RIMS1: variants seen among roughly 807,000 people sequenced by gnomAD.
The protein encoded by RIMS1 is regulating synaptic membrane exocytosis protein 1.
In RIMS1, 83 loss-of-function variants were observed where a neutral mutation model predicts 214.1. The ratio of observed to expected loss-of-function variants is 0.39; its 90% CI spans 0.32 to 0.47. RIMS1 has a LOEUF of 0.47. Among genes scored for constraint, RIMS1 ranks in the 20% least tolerant of loss-of-function variants. RIMS1 has a pLI of 0.99. For synonymous variants in RIMS1, 793 were observed against 786.8 expected (o/e 1.01, Z -0.13); for missense variants, 2,050 against 2,161.8 (o/e 0.95, Z 1.03).
At chr6:71,967,514 G>A (rs913332447) in intron 1 of RIMS1, among the ~76,000 whole-genome samples, 8 of 152,172 alleles carry the variant, frequency 5.3e-5, no homozygotes, top group East Asian at 1.9e-4. Context: ...TAAAATTTCA[G>A]AGCTCAGAAA....
At chr6:71,939,234 T>C (rs546472207) in intron 1 of RIMS1, among the ~76,000 whole-genome samples, 11 of 152,354 alleles carry the variant, frequency 7.2e-5, no homozygotes, top group Admixed American at 6.5e-4. Flanking sequence ...TTGCTTTCCA[T>C]ACTTCTATCA....
chr6:71,887,050 T>TC lies in RIMS1; in HGVS notation c.29dup (p.Arg11SerfsTer64). On this transcript the variant is annotated frameshift_variant, in exon 1 of 34. Transcript: ENST00000521978. LOFTEE classifies it high-confidence loss of function. Reference sequence around the variant, plus strand: ...TGTCCTCGGCCGTGGGGCCCCGCGGTCCTCGCCCACCCACGGTGCCTCCCC... The same window carrying TC: ...TGTCCTCGGCCGTGGGGCCCCGCGGTCCCTCGCCCACCCACGGTGCCTCCCC... 1.2e-6 allele frequency: 2 copies of TC among 1,613,258 alleles called. No homozygotes were observed. Among genetic ancestry groups the TC allele is most frequent in the Non-Finnish European group, 1.7e-6 (2 of 1,179,610 alleles).
chr6:72,339,984 G>T (rs559552977), intron 29 of RIMS1, among the ~76,000 whole-genome samples: 2 of 152,204 alleles, frequency 1.3e-5, no homozygotes, highest in African/African-American at 4.8e-5. Context: ...ATTCTAACTG[G>T]TTTGAGATGG....
intron 1 of RIMS1, among the ~76,000 whole-genome samples, chr6:71,946,803 T>TA (rs1283932993): frequency 6.6e-6 from 1 of 151,406 alleles, no homozygotes; most frequent in East Asian, 1.9e-4. Flanking sequence ...GATATCAAGC[T>TA]AAAAATCTTC....
chr6:72,196,484 T>A (rs1033911245), intron 6 of RIMS1, among the ~76,000 whole-genome samples: 1 of 151,480 alleles, frequency 6.6e-6, no homozygotes, highest in Non-Finnish European at 1.5e-5. Context: ...GGTAAGAATT[T>A]AGCTACATAT....
intron 1 of RIMS1, among the ~76,000 whole-genome samples, chr6:71,917,087 G>A (rs1457607960): frequency 1.3e-5 from 2 of 152,088 alleles, no homozygotes; most frequent in African/African-American, 4.8e-5. Flanking sequence ...ACCTCTCTGT[G>A]CTTGTTTCTC....
At chr6:72,057,215 T>C (rs1190575852) in intron 2 of RIMS1, among the ~76,000 whole-genome samples, 1 of 152,240 alleles carries the variant, frequency 6.6e-6, no homozygotes, top group African/African-American at 2.4e-5. Context: ...CTCTCCAAAC[T>C]GGTGGATTTC....
intron 29 of RIMS1, among the ~76,000 whole-genome samples, chr6:72,345,321 T>C (rs7774320): frequency 0.26 from 38,607 of 149,192 alleles, 5,113 homozygotes; most frequent in Middle Eastern, 0.31. Context: ...ATTGGATAAT[T>C]TTTCTATGCA....
intron 2 of RIMS1, among the ~76,000 whole-genome samples, chr6:72,059,970 C>T (rs1456604643): frequency 6.6e-6 from 1 of 151,778 alleles, no homozygotes; most frequent in Non-Finnish European, 1.5e-5. Context: ...CGGAGTTTTG[C>T]TCTTCTTGCC....
intron 6 of RIMS1, among the ~76,000 whole-genome samples, chr6:72,183,962 TGCG>T (rs1414175318): frequency 6.6e-6 from 1 of 152,186 alleles, no homozygotes; most frequent in African/African-American, 2.4e-5. Context: ...TATGTAAACA[TGCG>T]GTATTAAATC....
chr6:71,887,174 G>A lies in RIMS1; in HGVS notation c.151G>A (p.Glu51Lys), dbSNP rs2150296924. The A allele has an allele frequency of 6.2e-7, 1 of 1,608,220 alleles. No individual in the cohort carries two copies. Among genetic ancestry groups the A allele is most frequent in the Non-Finnish European group, 8.5e-7 (1 of 1,177,568 alleles). ...DRQKEEEEKE[E>K]AMLKCVVRDM... ...GCAGAAGGAAGAGGAGGAAAAAGAA[G>A]AAGCCATGCTCAAGTAAGCCAGCCC... The change falls in exon 1 of 34, where the codon GAA (glutamate) becomes AAA (lysine). Residue 51 changes from glutamate (E) to lysine (K), a missense_variant. By Grantham distance (56) the Glu-to-Lys change is moderately conservative. Transcript: ENST00000521978.
chr6:71,910,927 T>C (rs572464808), intron 1 of RIMS1, among the ~76,000 whole-genome samples: 2 of 152,164 alleles, frequency 1.3e-5, no homozygotes, highest in Non-Finnish European at 2.9e-5. Context: ...CTGGCTCCAA[T>C]AGGAAGATTA....
At chr6:72,228,107 G>C (rs1418512134) in intron 6 of RIMS1, among the ~76,000 whole-genome samples, 1 of 151,766 alleles carries the variant, frequency 6.6e-6, no homozygotes. Flanking sequence ...AAACATATCC[G>C]TCACCTCCAA....
chr6:72,163,384 T>C (rs535904480), intron 4 of RIMS1, among the ~76,000 whole-genome samples: 2 of 141,340 alleles, frequency 1.4e-5, no homozygotes, highest in African/African-American at 2.4e-5. Flanking sequence ...TTCTCTCGAC[T>C]CATCAAAGTC....
At chr6:72,010,279 G>T (rs991378576) in intron 2 of RIMS1, among the ~76,000 whole-genome samples, 2 of 152,044 alleles carry the variant, frequency 1.3e-5, no homozygotes, top group African/African-American at 4.8e-5. Context: ...AAATTCAACA[G>T]CCCTTCATGC....
chr6:72,253,330 T>C (rs1047778940), intron 16 of RIMS1, among the ~76,000 whole-genome samples: 1 of 152,182 alleles, frequency 6.6e-6, no homozygotes, highest in African/African-American at 2.4e-5. Flanking sequence ...ATACCTAGAA[T>C]GTGTGTATAT....
intron 2 of RIMS1, among the ~76,000 whole-genome samples, chr6:72,040,310 G>A (rs1473086323): frequency 6.6e-6 from 1 of 152,016 alleles, no homozygotes. Context: ...GCCATCTGTT[G>A]TTTGGACCTA....
intron 29 of RIMS1, among the ~76,000 whole-genome samples, chr6:72,364,147 G>A (rs1280736876): frequency 6.6e-6 from 1 of 151,990 alleles, no homozygotes; most frequent in Non-Finnish European, 1.5e-5. Context: ...ACTCTATTCT[G>A]GCTTTCCTGT....
At chr6:71,892,321 C>A (rs1371191691) in intron 1 of RIMS1, among the ~76,000 whole-genome samples, 1 of 152,194 alleles carries the variant, frequency 6.6e-6, no homozygotes, top group African/African-American at 2.4e-5. Flanking sequence ...GAAGAGAATT[C>A]TAGCCTGTGA....
Sources: gnomAD v4.1 joint callset for allele counts (sites outside exome capture counted in the v4.1 genomes callset) on GRCh38, gnomAD v4.1.1 for gene constraint, MANE v1.5 for transcripts, NCBI Gene and HGNC (gene_info 2026-07-23, HGNC 2026-07-21) for gene names.